Variants in CA10 observed in about 807,000 individuals in gnomAD.
CA10 encodes carbonic anhydrase 10 (inactive), also known as carbonic anhydrase-related protein 10.
CA10 carries 14 observed loss-of-function variants against 44.2 expected under a neutral mutation model. That is an observed-to-expected ratio of 0.32 (90% CI 0.21 to 0.50). The LOEUF (loss-of-function observed/expected upper bound fraction) is 0.50, where lower values mean the gene tolerates loss of function less well. CA10 is among the 20% of genes least tolerant of loss of function. The probability of loss-of-function intolerance (pLI) is 0.99; values close to 1 mark genes in which losing one functional copy is unlikely to be tolerated. For synonymous variants in CA10, 159 were observed against 141.6 expected (o/e 1.12, Z -0.87); for missense variants, 350 against 409.7 (o/e 0.85, Z 1.26).
At chr17:51,733,302 A>C (rs1183583611) in intron 4 of CA10, among the ~76,000 whole-genome samples, 1 of 152,178 alleles carries the variant, frequency 6.6e-6, no homozygotes, top group African/African-American at 2.4e-5. Context: ...AATTAAAGCC[A>C]AGGGCTGGCT....
chr17:51,758,204 A>T (rs1905128183), intron 3 of CA10, among the ~76,000 whole-genome samples: 1 of 152,252 alleles, frequency 6.6e-6, no homozygotes, highest in Admixed American at 6.5e-5. Context: ...CTGAAAAACT[A>T]GATGAAATGA....
At chr17:52,095,482 AAAGC>A (rs778870956) in intron 1 of CA10, among the ~76,000 whole-genome samples, 39 of 152,228 alleles carry the variant, frequency 2.6e-4, no homozygotes, top group Non-Finnish European at 3.7e-4. Flanking sequence ...CTCAATTTAA[AAAGC>A]AAGTAATCAA....
intron 3 of CA10, among the ~76,000 whole-genome samples, chr17:51,823,106 T>C (rs550860256): frequency 1.2e-4 from 18 of 152,248 alleles, no homozygotes; most frequent in Non-Finnish European, 2.5e-4. Flanking sequence ...GTTTTCCTTT[T>C]TGTGTTTTCT....
intron 3 of CA10, among the ~76,000 whole-genome samples, chr17:51,752,528 C>G (rs1242265305): frequency 2.6e-5 from 4 of 151,960 alleles, no homozygotes; most frequent in African/African-American, 4.8e-5. Context: ...AGTAACTTAT[C>G]CAGAATCACA....
intron 1 of CA10, among the ~76,000 whole-genome samples, chr17:52,146,615 A>G (rs1042491965): frequency 2.0e-5 from 3 of 151,944 alleles, no homozygotes; most frequent in Admixed American, 6.6e-5. Flanking sequence ...GCGTGAACCC[A>G]GGAGGCGGAG....
chr17:51,794,617 C>T (rs933801063), intron 3 of CA10, among the ~76,000 whole-genome samples: 1 of 152,172 alleles, frequency 6.6e-6, no homozygotes, highest in African/African-American at 2.4e-5. Flanking sequence ...TCTATATATA[C>T]ACTACATATA....
At chr17:52,119,148 A>G (rs1038897968) in intron 1 of CA10, among the ~76,000 whole-genome samples, 4 of 152,224 alleles carry the variant, frequency 2.6e-5, no homozygotes, top group Admixed American at 2.6e-4. Flanking sequence ...ATAAAGTACA[A>G]TTCTGTGACA....
At chr17:52,112,338 A>G (rs1161191326) in intron 1 of CA10, among the ~76,000 whole-genome samples, 1 of 152,204 alleles carries the variant, frequency 6.6e-6, no homozygotes, top group Non-Finnish European at 1.5e-5. Flanking sequence ...TAAACTATGG[A>G]CCAAATCTCT....
chr17:51,652,635 G>A (rs1461620892), intron 5 of CA10, among the ~76,000 whole-genome samples: 2 of 152,228 alleles, frequency 1.3e-5, no homozygotes, highest in East Asian at 3.8e-4. Flanking sequence ...GGATGACCAG[G>A]GAGGGTGAAG....
At chr17:51,994,161 G>A (rs1985141669) in intron 2 of CA10, among the ~76,000 whole-genome samples, 1 of 151,994 alleles carries the variant, frequency 6.6e-6, no homozygotes, top group African/African-American at 2.4e-5. Context: ...GACTCCATCA[G>A]AAAGAAAAAG....
intron 4 of CA10, among the ~76,000 whole-genome samples, chr17:51,673,860 A>C (rs969769088): frequency 6.6e-6 from 1 of 150,994 alleles, no homozygotes; most frequent in Non-Finnish European, 1.5e-5. Flanking sequence ...TTCACCATTC[A>C]CCTCCCTGCC....
At chr17:51,972,966 CAA>C (rs1984335288) in intron 2 of CA10, among the ~76,000 whole-genome samples, 4 of 152,022 alleles carry the variant, frequency 2.6e-5, no homozygotes, top group Non-Finnish European at 4.4e-5. Context: ...CTGATGTGGT[CAA>C]ATTGATTAGG....
In CA10 at chr17:51,649,167, T is replaced by A. The variant is rs553491119; in HGVS notation, c.634+15A>T. 6.3e-7 allele frequency: 1 copy of A among 1,598,386 alleles called. No individual in the cohort carries two copies. Among genetic ancestry groups the A allele is most frequent in the African/African-American group, 1.3e-5 (1 of 74,702 alleles). ...TATAGAATAGTTGCTGTGGAGGAAA[T>A]TGAACCAAACTTACTTTTATATGTT... On this transcript the variant is annotated intron_variant, in intron 6 of 8. Coordinates refer to ENST00000451037, the MANE Select transcript of CA10 (RefSeq NM_020178.5).
chr17:52,042,261 T>C (rs1341268900), intron 2 of CA10, among the ~76,000 whole-genome samples: 3 of 152,100 alleles, frequency 2.0e-5, no homozygotes, highest in Non-Finnish European at 4.4e-5. Context: ...ACGTTTGTTA[T>C]CTCTTGTCTT....
intron 3 of CA10, among the ~76,000 whole-genome samples, chr17:51,853,608 G>A (rs897160364): frequency 2.0e-5 from 3 of 152,230 alleles, no homozygotes; most frequent in South Asian, 2.1e-4. Flanking sequence ...CTTCAGACTC[G>A]TTAGCTCTTT....
At chr17:51,698,188 T>A (rs1450774588) in intron 4 of CA10, among the ~76,000 whole-genome samples, 1 of 152,210 alleles carries the variant, frequency 6.6e-6, no homozygotes, top group African/African-American at 2.4e-5. Context: ...CTGCTTCCCA[T>A]CCTTTCTGAT....
intron 1 of CA10, among the ~76,000 whole-genome samples, chr17:52,113,298 C>A (rs1988824963): frequency 6.6e-6 from 1 of 152,184 alleles, no homozygotes; most frequent in African/African-American, 2.4e-5. Flanking sequence ...TTGAGAAATA[C>A]AGATGAATAA....
chr17:51,949,674 C>T (rs1983411783), intron 2 of CA10, among the ~76,000 whole-genome samples: 1 of 152,080 alleles, frequency 6.6e-6, no homozygotes, highest in Non-Finnish European at 1.5e-5. Flanking sequence ...CCCTCAGAGT[C>T]TTATAAAGCA....
chr17:51,678,837 CT>C (rs1914720932), intron 4 of CA10, among the ~76,000 whole-genome samples: 1 of 152,166 alleles, frequency 6.6e-6, no homozygotes, highest in Non-Finnish European at 1.5e-5. Context: ...CTGTCTCTCT[CT>C]TTATCTTAAT....
Sources: allele counts gnomAD v4.1 joint callset (sites outside exome capture counted in the v4.1 genomes callset), GRCh38; gene constraint gnomAD v4.1.1; transcripts MANE v1.5; gene names NCBI Gene and HGNC (gene_info 2026-07-23, HGNC 2026-07-21).